Variants in CLNK observed in about 807,000 individuals in gnomAD.
CLNK encodes cytokine dependent hematopoietic cell linker, also known as cytokine-dependent hematopoietic cell linker.
CLNK carries 74 observed loss-of-function variants against 68.6 expected under a neutral mutation model. The observed-to-expected ratio is 1.08, with a 90% CI of 0.89 to 1.31. CLNK has a LOEUF of 1.31. Among genes scored for constraint, CLNK ranks in the 50% most tolerant of loss-of-function variants. The pLI is 0.00. For missense variants in CLNK, 553 were observed against 515.3 expected (o/e 1.07, Z -0.71); for synonymous variants, 198 against 172.2 (o/e 1.15, Z -1.17).
intron 2 of CLNK, among the ~76,000 whole-genome samples, chr4:10,615,965 G>C (rs1722211766): frequency 6.6e-6 from 1 of 152,180 alleles, no homozygotes; most frequent in East Asian, 1.9e-4. Flanking sequence ...CCCCAGCAGA[G>C]CTGCTTTCTG....
At chr4:10,650,789 C>T (rs4449408) in intron 2 of CLNK, among the ~76,000 whole-genome samples, 49,838 of 151,734 alleles carry the variant, frequency 0.33, 8,441 homozygotes, top group African/African-American at 0.41. Flanking sequence ...ATAAAATTTG[C>T]AATCTATGCA....
At chr4:10,670,235 T>C (rs926239386) in intron 1 of CLNK, among the ~76,000 whole-genome samples, 1 of 152,258 alleles carries the variant, frequency 6.6e-6, no homozygotes, top group South Asian at 2.1e-4. Context: ...CATGTTATAT[T>C]TGGGTATGTG....
intron 3 of CLNK, among the ~76,000 whole-genome samples, chr4:10,585,813 G>A: frequency 6.6e-6 from 1 of 152,102 alleles, no homozygotes; most frequent in East Asian, 1.9e-4. Context: ...TAACGTGTAG[G>A]ATTTTGATGT....
At chr4:10,664,145 T>C (rs1724303450) in intron 2 of CLNK, among the ~76,000 whole-genome samples, 1 of 152,050 alleles carries the variant, frequency 6.6e-6, no homozygotes, top group Non-Finnish European at 1.5e-5. Context: ...GGTTATAAAA[T>C]TGTAAGAAAT....
intron 2 of CLNK, among the ~76,000 whole-genome samples, chr4:10,667,200 T>TATCA (rs1190342266): frequency 6.6e-6 from 1 of 152,192 alleles, no homozygotes; most frequent in East Asian, 1.9e-4. Context: ...TTTCTAATAC[T>TATCA]ATCACTCTGC....
chr4:10,583,120 C>A lies in CLNK; in HGVS notation c.112+1807G>T, dbSNP rs184024521. ...GAAGGATCTGGGAATGTTATCAAGC[C>A]ACCGTCACGCACAGTCTTTTTTGTA... On this transcript the variant is annotated intron_variant, in intron 4 of 18. Coordinates refer to ENST00000226951, the MANE Select transcript of CLNK (RefSeq NM_052964.4). Among the ~76,000 whole-genome samples the A allele has an allele frequency of 2.6e-4, 39 of 152,286 alleles. 1 individual carries two copies. Among genetic ancestry groups the A allele is most frequent in the African/African-American group, 9.1e-4 (38 of 41,554 alleles).
chr4:10,648,921 T>C (rs1241876632), intron 2 of CLNK, among the ~76,000 whole-genome samples: 1 of 152,202 alleles, frequency 6.6e-6, no homozygotes, highest in East Asian at 1.9e-4. Flanking sequence ...GGAGATCTGG[T>C]TTTTGCATCT....
At chr4:10,580,008 C>T (rs879486883) in intron 4 of CLNK, among the ~76,000 whole-genome samples, 1 of 152,192 alleles carries the variant, frequency 6.6e-6, no homozygotes, top group African/African-American at 2.4e-5. Context: ...TCAAATCCCC[C>T]TCCATCTCTG....
At chr4:10,641,833 G>T (rs1577190896) in intron 2 of CLNK, among the ~76,000 whole-genome samples, 1 of 151,008 alleles carries the variant, frequency 6.6e-6, no homozygotes, top group Non-Finnish European at 1.5e-5. Flanking sequence ...AATGGGGGTG[G>T]TTTCCCCCAT....
intron 5 of CLNK, among the ~76,000 whole-genome samples, chr4:10,570,040 G>C (rs987130347): frequency 3.9e-5 from 6 of 152,206 alleles, no homozygotes; most frequent in African/African-American, 1.2e-4. Flanking sequence ...AGTAAAGGGA[G>C]AGAAGGTGTC....
chr4:10,524,862 C>A (rs927073985), intron 14 of CLNK, among the ~76,000 whole-genome samples: 4 of 152,050 alleles, frequency 2.6e-5, no homozygotes, highest in African/African-American at 4.8e-5. Context: ...CAGTGCCATG[C>A]ATTAAGTGGC....
chr4:10,565,096 C>G (rs1034865137), intron 6 of CLNK, among the ~76,000 whole-genome samples: 5 of 152,002 alleles, frequency 3.3e-5, no homozygotes, highest in Admixed American at 6.5e-5. Context: ...CCAGTCACAC[C>G]CCATGCCAGC....
chr4:10,510,515 G>C (rs1178501778), intron 16 of CLNK, among the ~76,000 whole-genome samples: 1 of 152,170 alleles, frequency 6.6e-6, no homozygotes, highest in East Asian at 1.9e-4. Flanking sequence ...CATCTGAATG[G>C]ACTTCCTCCT....
chr4:10,610,210 C>T (rs1328063187), intron 2 of CLNK, among the ~76,000 whole-genome samples: 48 of 150,886 alleles, frequency 3.2e-4, no homozygotes, highest in African/African-American at 1.1e-3. Context: ...GCGCCCGCCA[C>T]TGCGCCCGGC....
At chr4:10,564,124 C>T (rs1430305658) in intron 7 of CLNK, among the ~76,000 whole-genome samples, 9 of 137,164 alleles carry the variant, frequency 6.6e-5, no homozygotes, top group South Asian at 2.3e-4. Context: ...TTTTTTGAGA[C>T]GGAGTCCCAC....
chr4:10,665,251 T>C (rs1381264352), intron 2 of CLNK, among the ~76,000 whole-genome samples: 3 of 152,174 alleles, frequency 2.0e-5, no homozygotes, highest in Admixed American at 6.5e-5. Context: ...GAAAGCTTGG[T>C]GAGAAGCCAT....
At chr4:10,571,326 CTTTTTTTTTTTTT>C (rs60429766) in intron 5 of CLNK, among the ~76,000 whole-genome samples, 14 of 64,600 alleles carry the variant, frequency 2.2e-4, no homozygotes, top group Non-Finnish European at 3.6e-4. Context: ...GTTGCTGTTG[CTTTTTTTTTTTTT>C]TTTTTTTTTT....
the CLNK span, among the ~76,000 whole-genome samples, chr4:10,725,419 C>T: frequency 1.8e-4 from 27 of 152,142 alleles, no homozygotes; most frequent in East Asian, 5.8e-4. Flanking sequence ...GAACTGGAAG[C>T]GGAGGGCACC....
intron 17 of CLNK, among the ~76,000 whole-genome samples, chr4:10,501,814 C>T (rs1231278279): frequency 1.3e-5 from 2 of 152,206 alleles, no homozygotes; most frequent in South Asian, 4.1e-4. Flanking sequence ...GTAATCCCAG[C>T]TACTCAGGAG....
Sources: allele counts gnomAD v4.1 joint callset (sites outside exome capture counted in the v4.1 genomes callset), GRCh38; gene constraint gnomAD v4.1.1; transcripts MANE v1.5; gene names NCBI Gene and HGNC (gene_info 2026-07-23, HGNC 2026-07-21).